CCDC178: variants seen among roughly 807,000 people sequenced by gnomAD.
CCDC178 encodes coiled-coil domain-containing protein 178.
A neutral mutation model predicts 117.4 loss-of-function variants in CCDC178; 126 were observed. That is an observed-to-expected ratio of 1.07 (90% CI 0.93 to 1.24). The LOEUF is 1.24. Among genes scored for constraint, CCDC178 ranks in the 50% most tolerant of loss-of-function variants. The pLI is 0.00. For synonymous variants in CCDC178, 283 were observed against 313.4 expected, an observed-to-expected ratio of 0.90 and a Z score of 1.02; for missense variants, 1,030 against 986.9, an observed-to-expected ratio of 1.04 and a Z score of -0.59.
chr18:32,941,290 CTTTATTT>C (rs949162691), intron 22 of CCDC178, among the ~76,000 whole-genome samples: 22 of 152,100 alleles, frequency 1.4e-4, no homozygotes, highest in Middle Eastern at 3.4e-3. Context: ...TGAGAATATA[CTTTATTT>C]TTTAAGTATG....
rs367907825 is a variant in CCDC178, at chr18:33,223,729, T to C, written c.1819-510A>G. 3.9e-5 allele frequency among the ~76,000 whole-genome samples: 6 copies of C among 152,304 alleles called. No individual in the cohort carries two copies. In the East Asian group the frequency reaches 1.2e-3, roughly 29 times the overall value. ...CATTAATCTTTTCTGGAATTCATTATTGTACTCAGACAACCTCACTTAGGC... is the reference window on the plus strand; with the variant it reads ...CATTAATCTTTTCTGGAATTCATTACTGTACTCAGACAACCTCACTTAGGC... On this transcript the variant is annotated intron_variant, in intron 17 of 22. Coordinates refer to ENST00000383096, the MANE Select transcript of CCDC178 (RefSeq NM_001105528.4).
At chr18:33,206,199 A>C (rs1481009161) in intron 20 of CCDC178, among the ~76,000 whole-genome samples, 2 of 152,180 alleles carry the variant, frequency 1.3e-5, no homozygotes, top group Non-Finnish European at 2.9e-5. Context: ...TGCAACTAAA[A>C]ACATTAAATG....
At chr18:33,429,546 T>C (rs766952158) in intron 2 of CCDC178, among the ~76,000 whole-genome samples, 44 of 152,158 alleles carry the variant, frequency 2.9e-4, no homozygotes, top group Non-Finnish European at 5.3e-4. Flanking sequence ...AGCAATAACA[T>C]ATTTATGTTG....
intron 20 of CCDC178, among the ~76,000 whole-genome samples, chr18:33,143,660 G>A (rs886641516): frequency 4.6e-5 from 7 of 152,050 alleles, no homozygotes; most frequent in Admixed American, 6.6e-5. Flanking sequence ...ACAGATAAGC[G>A]TGATGGTTAT....
chr18:33,396,736 G>A (rs1419050944), intron 4 of CCDC178, among the ~76,000 whole-genome samples: 2 of 152,036 alleles, frequency 1.3e-5, no homozygotes, highest in Admixed American at 6.6e-5. Context: ...AAAAAGAAAA[G>A]GAAATTAGCA....
chr18:33,331,025 G>GTTTTTTTTTT (rs1315738648), intron 10 of CCDC178, among the ~76,000 whole-genome samples: 1 of 55,160 alleles, frequency 1.8e-5, no homozygotes, highest in Non-Finnish European at 2.9e-5. Context: ...CACAAACATT[G>GTTTTTTTTTT]CTTTTTTTTT....
intron 12 of CCDC178, among the ~76,000 whole-genome samples, chr18:33,270,085 C>T (rs369733750): frequency 1.3e-5 from 2 of 151,374 alleles, no homozygotes; most frequent in African/African-American, 4.8e-5. Flanking sequence ...AGTACAATAA[C>T]TGAACTAAAA....
chr18:32,979,022 G>C (rs2055087371), intron 21 of CCDC178, among the ~76,000 whole-genome samples: 1 of 148,664 alleles, frequency 6.7e-6, no homozygotes, highest in Non-Finnish European at 1.5e-5. Context: ...GGGAGACAGA[G>C]TGAGAATCCG....
chr18:32,983,877 T>C (rs2144722386), intron 21 of CCDC178, among the ~76,000 whole-genome samples: 1 of 152,176 alleles, frequency 6.6e-6, no homozygotes, highest in African/African-American at 2.4e-5. Flanking sequence ...CTGTTTATTG[T>C]AATAACCCAA....
chr18:32,937,842 T>C lies in CCDC178; in HGVS notation c.*169A>G, dbSNP rs984218301. 3.4e-6 allele frequency: 2 copies of C among 588,640 alleles called. 1 individual carries two copies. The highest frequency in any genetic ancestry group is 4.4e-5 in the South Asian group (2 of 45,564). 36.5% of individuals were successfully genotyped at this position (588,640 alleles called of 1,614,324 possible). A position where few individuals can be genotyped will look rare whatever the true frequency, so the allele number is the denominator to read the frequency against. Reference sequence around the variant, plus strand: ...ATGAAAGTCACCTGTTTCATTGTTATGGATTTGCTGTGAGTAAAAGAGTGG... The same window carrying C: ...ATGAAAGTCACCTGTTTCATTGTTACGGATTTGCTGTGAGTAAAAGAGTGG... On this transcript the variant is annotated 3_prime_UTR_variant, in exon 23 of 23. Transcript: ENST00000383096.
intron 21 of CCDC178, among the ~76,000 whole-genome samples, chr18:33,024,546 T>C (rs1453172289): frequency 2.0e-5 from 3 of 152,168 alleles, no homozygotes; most frequent in Admixed American, 2.0e-4. Context: ...CATTCTGAGG[T>C]ACCAGCTGTT....
intron 20 of CCDC178, among the ~76,000 whole-genome samples, chr18:33,137,983 T>A (rs573959491): frequency 6.6e-6 from 1 of 152,342 alleles, no homozygotes; most frequent in African/African-American, 2.4e-5. Context: ...CCATTTATTT[T>A]TTATGCAAGT....
intron 20 of CCDC178, among the ~76,000 whole-genome samples, chr18:33,099,694 C>A (rs2057595780): frequency 6.6e-6 from 1 of 151,958 alleles, no homozygotes; most frequent in East Asian, 1.9e-4. Context: ...CCCTTAAAAT[C>A]TATACACCAA....
At chr18:33,205,578 T>C (rs2059037015) in intron 20 of CCDC178, among the ~76,000 whole-genome samples, 1 of 152,172 alleles carries the variant, frequency 6.6e-6, no homozygotes, top group Non-Finnish European at 1.5e-5. Context: ...CTATGACAGA[T>C]CAAGTAGACT....
chr18:33,155,525 A>G (rs536685439), intron 20 of CCDC178, among the ~76,000 whole-genome samples: 5 of 152,332 alleles, frequency 3.3e-5, no homozygotes, highest in African/African-American at 9.6e-5. Flanking sequence ...AAAAACAGAG[A>G]GTAATCATGA....
At chr18:33,127,625 G>A (rs1378712803) in intron 20 of CCDC178, among the ~76,000 whole-genome samples, 9 of 151,930 alleles carry the variant, frequency 5.9e-5, no homozygotes, top group South Asian at 2.1e-4. Flanking sequence ...TAGTAGAGAC[G>A]GGGTTTCACC....
chr18:33,431,213 T>TTA (rs2064214899), intron 2 of CCDC178, among the ~76,000 whole-genome samples: 1 of 144,286 alleles, frequency 6.9e-6, no homozygotes, highest in Non-Finnish European at 1.5e-5. Context: ...TTTTTTTTTT[T>TTA]ACTTTTAACA....
rs574476105 is a variant in CCDC178 at position 33,047,277 on chromosome 18, T to C, written c.2388+45484A>G. On this transcript the variant is annotated intron_variant, in intron 21 of 22. Transcript: ENST00000383096. Reference sequence around the variant, plus strand: ...GAATTCAAACCTCAGGCTTATGATGTCCCAGGGCAGATTTTAGTTGTTCTG... The same window carrying C: ...GAATTCAAACCTCAGGCTTATGATGCCCCAGGGCAGATTTTAGTTGTTCTG... 4.6e-5 allele frequency among the ~76,000 whole-genome samples: 7 copies of C among 152,330 alleles called. No homozygotes were observed. The South Asian group carries it at 1.4e-3, about 32-fold the overall frequency.
intron 12 of CCDC178, among the ~76,000 whole-genome samples, chr18:33,283,736 A>C (rs1322681240): frequency 6.6e-6 from 1 of 152,218 alleles, no homozygotes; most frequent in Admixed American, 6.5e-5. Flanking sequence ...AATGGCTATT[A>C]CTAAAAAGCC....
Sources: gnomAD v4.1 joint callset for allele counts (sites outside exome capture counted in the v4.1 genomes callset) on GRCh38, gnomAD v4.1.1 for gene constraint, MANE v1.5 for transcripts, NCBI Gene and HGNC (gene_info 2026-07-23, HGNC 2026-07-21) for gene names.